Variants in PCDH15 observed in about 807,000 individuals in gnomAD.
PCDH15 encodes protocadherin-15.
Under a neutral mutation model 178.5 loss-of-function variants are expected in PCDH15, and 129 were observed. The observed-to-expected ratio is 0.72, with a 90% CI of 0.63 to 0.84. PCDH15 has a LOEUF of 0.84. Ranked by LOEUF, PCDH15 falls within the 40% of genes least tolerant of loss-of-function variation. The pLI is 0.00. For missense variants in PCDH15, 2,230 were observed against 2,099.9 expected (o/e 1.06, Z -1.21); for synonymous variants, 800 against 732.0 (o/e 1.09, Z -1.50).
At chr10:54,247,796 G>C (rs555903399) in intron 8 of PCDH15, among the ~76,000 whole-genome samples, 1 of 150,996 alleles carries the variant, frequency 6.6e-6, no homozygotes. Context: ...GATTTTCAAG[G>C]TGAGATTAAT....
chr10:54,839,434 T>G (rs544686285), intron 3 of PCDH15, among the ~76,000 whole-genome samples: 1 of 152,082 alleles, frequency 6.6e-6, no homozygotes, highest in East Asian at 1.9e-4. Context: ...AATAAAGAAT[T>G]TGTAATCTTG....
At chr10:54,715,167 CTTAAAATAATT>C (rs1257782355) in intron 1 of PCDH15, among the ~76,000 whole-genome samples, 1 of 152,006 alleles carries the variant, frequency 6.6e-6, no homozygotes, top group East Asian at 1.9e-4. Flanking sequence ...TCGGTTTAGA[CTTAAAATAATT>C]TTCCTTATGC....
intron 3 of PCDH15, among the ~76,000 whole-genome samples, chr10:54,895,913 G>A (rs922932914): frequency 1.3e-5 from 2 of 151,542 alleles, no homozygotes; most frequent in Admixed American, 6.6e-5. Flanking sequence ...TTGAGATGGA[G>A]TCTCACTCTG....
chr10:54,516,619 A>C (rs1371515346), intron 3 of PCDH15, among the ~76,000 whole-genome samples: 1 of 152,210 alleles, frequency 6.6e-6, no homozygotes, highest in Non-Finnish European at 1.5e-5. Flanking sequence ...GAATGGAACC[A>C]AGTTGGAAAA....
chr10:55,072,778 G>T (rs1040881349), intron 2 of PCDH15, among the ~76,000 whole-genome samples: 13 of 151,558 alleles, frequency 8.6e-5, no homozygotes, highest in African/African-American at 2.4e-4. Context: ...TACCAAAGCC[G>T]GGCAGAGACA....
intron 2 of PCDH15, among the ~76,000 whole-genome samples, chr10:54,977,430 A>G (rs1191343654): frequency 6.6e-6 from 1 of 152,154 alleles, no homozygotes; most frequent in African/African-American, 2.4e-5. Context: ...GTACATTAGT[A>G]CACTAAAAGA....
chr10:54,112,367 CA>C (rs144063185), intron 15 of PCDH15, among the ~76,000 whole-genome samples: 3,063 of 151,842 alleles, frequency 0.02, 92 homozygotes, highest in African/African-American at 0.068. Context: ...TCATGATAAA[CA>C]AAAATGTCTG....
At chr10:55,512,004 A>G (rs1840895611) in intron 2 of PCDH15, among the ~76,000 whole-genome samples, 1 of 152,070 alleles carries the variant, frequency 6.6e-6, no homozygotes, top group African/African-American at 2.4e-5. Context: ...TTAATGCCTA[A>G]TATCAGAACT....
At chr10:54,089,917 G>C (rs1353953674) in intron 16 of PCDH15, 67 bp downstream of exon 16, 2 of 1,227,216 alleles carry the variant, frequency 1.6e-6, no homozygotes, top group Non-Finnish European at 2.4e-6. Context: ...CTGATTAGAA[G>C]TCTGCTTTCT....
intron 35 of PCDH15, among the ~76,000 whole-genome samples, chr10:53,813,708 C>T (rs964508005): frequency 5.3e-5 from 8 of 152,254 alleles, no homozygotes; most frequent in African/African-American, 1.9e-4. Context: ...AAACACGCTA[C>T]CACATCGCAC....
At chr10:54,828,232 G>C (rs1261732197) in intron 3 of PCDH15, among the ~76,000 whole-genome samples, 1 of 151,830 alleles carries the variant, frequency 6.6e-6, no homozygotes. Flanking sequence ...GTGCAGGAGA[G>C]ATCATAAGTC....
chr10:54,045,305 G>C (rs770884566), intron 18 of PCDH15, among the ~76,000 whole-genome samples: 2 of 152,042 alleles, frequency 1.3e-5, no homozygotes, highest in Admixed American at 6.6e-5. Flanking sequence ...CTGAAGACCG[G>C]GGTGATGTTT....
chr10:54,939,521 A>AAAAAAAAAAAAAC (rs1838005307), intron 2 of PCDH15, among the ~76,000 whole-genome samples: 1 of 150,396 alleles, frequency 6.6e-6, no homozygotes, highest in Admixed American at 6.6e-5. Context: ...AAAAAAAAAA[A>AAAAAAAAAAAAAC]AATCAGTGAT....
rs541785167 is a variant in PCDH15, at chr10:55,362,723, T to C, written c.-155-196072A>G. ...TTCTCTCTTGTGTAGATTCATGTGA[T>C]TACCACCACAGTCAAGATACAAAAG... On this transcript the variant is annotated intron_variant, in intron 2 of 5. Coordinates refer to the PCDH15 transcript ENST00000613346. 2.6e-5 allele frequency among the ~76,000 whole-genome samples: 4 copies of C among 152,212 alleles called. No homozygotes were observed. In the South Asian group the frequency reaches 6.2e-4, roughly 24 times the overall value.
intron 2 of PCDH15, among the ~76,000 whole-genome samples, chr10:55,334,110 G>A (rs1844289367): frequency 6.7e-6 from 1 of 149,920 alleles, no homozygotes; most frequent in South Asian, 2.1e-4. Context: ...CCTAGGTATA[G>A]GTATAGTCAG....
intron 20 of PCDH15, among the ~76,000 whole-genome samples, chr10:53,997,504 A>G (rs1054538927): frequency 3.9e-5 from 6 of 152,266 alleles, no homozygotes; most frequent in East Asian, 3.9e-4. Flanking sequence ...TGAGTTTCCA[A>G]TGAGCTCATT....
intron 2 of PCDH15, among the ~76,000 whole-genome samples, chr10:55,002,191 C>T (rs1294357486): frequency 6.6e-6 from 1 of 151,982 alleles, no homozygotes; most frequent in Admixed American, 6.6e-5. Context: ...CCTTGTTTCG[C>T]TGCATAGTCT....
At chr10:54,259,337 C>G (rs2057149079) in intron 8 of PCDH15, among the ~76,000 whole-genome samples, 1 of 152,140 alleles carries the variant, frequency 6.6e-6, no homozygotes, top group African/African-American at 2.4e-5. Flanking sequence ...GCTGTATCCT[C>G]AGGGCCCTGA....
intron 21 of PCDH15, among the ~76,000 whole-genome samples, chr10:53,976,915 A>C (rs1174887095): frequency 1.3e-5 from 2 of 151,248 alleles, no homozygotes; most frequent in African/African-American, 4.9e-5. Context: ...AGTATCAAGG[A>C]ACTGAAACTT....
Sources: allele counts gnomAD v4.1 joint callset (sites outside exome capture counted in the v4.1 genomes callset), GRCh38; gene constraint gnomAD v4.1.1; transcripts MANE v1.5; gene names NCBI Gene and HGNC (gene_info 2026-07-23, HGNC 2026-07-21).